The following AGBL4 variants were observed in gnomAD, a reference collection of about 807,000 sequenced individuals.
AGBL4 encodes AGBL carboxypeptidase 4.
A neutral mutation model predicts 66.4 loss-of-function variants in AGBL4; 58 were observed. The observed-to-expected ratio is 0.87, with a 90% confidence interval of 0.71 to 1.09. The LOEUF (loss-of-function observed/expected upper bound fraction) is 1.09. Among genes scored for constraint, AGBL4 ranks in the 50% least tolerant of loss-of-function variants. The pLI, the probability that AGBL4 is intolerant of heterozygous loss-of-function variation, is 0.00. For missense variants in AGBL4, 579 were observed against 631.0 expected (o/e 0.92, Z 0.88); for synonymous variants, 234 against 222.9 (o/e 1.05, Z -0.44).
intron 2 of AGBL4, among the ~76,000 whole-genome samples, chr1:49,716,874 A>G (rs894274269): frequency 6.6e-6 from 1 of 152,118 alleles, no homozygotes; most frequent in Non-Finnish European, 1.5e-5. Flanking sequence ...GCACAAGACA[A>G]GGATGCCCTC....
chr1:49,487,051 C>G (rs1570841718), intron 3 of AGBL4, among the ~76,000 whole-genome samples: 1 of 151,966 alleles, frequency 6.6e-6, no homozygotes, highest in Non-Finnish European at 1.5e-5. Context: ...TAGTACCTCT[C>G]AAAACAGAAA....
chr1:48,864,451 T>A (rs1251225927), intron 6 of AGBL4, among the ~76,000 whole-genome samples: 1 of 152,182 alleles, frequency 6.6e-6, no homozygotes, highest in African/African-American at 2.4e-5. Flanking sequence ...TACTCATACG[T>A]AAAGAGACAT....
intron 12 of AGBL4, among the ~76,000 whole-genome samples, chr1:48,538,867 C>A (rs548913853): frequency 2.0e-5 from 3 of 152,284 alleles, no homozygotes; most frequent in Middle Eastern, 6.8e-3. Context: ...GGGAGTTGGG[C>A]ATTGTCATGT....
chr1:48,622,030 A>G (rs114973065), intron 9 of AGBL4, among the ~76,000 whole-genome samples: 2,788 of 152,084 alleles, frequency 0.018, 97 homozygotes, highest in African/African-American at 0.065. Flanking sequence ...CCAGGGTCAC[A>G]TCCAAGCTTC....
intron 3 of AGBL4, among the ~76,000 whole-genome samples, chr1:49,301,984 T>C (rs193226920): frequency 5.9e-4 from 90 of 152,270 alleles, no homozygotes; most frequent in African/African-American, 2.1e-3. Flanking sequence ...CTCAGCTGCC[T>C]TGTTAAACTT....
At chr1:49,395,811 GTATACATATATATATA>G (rs1644955485) in intron 3 of AGBL4, among the ~76,000 whole-genome samples, 5 of 107,442 alleles carry the variant, frequency 4.7e-5, no homozygotes, top group African/African-American at 7.4e-5. Context: ...ATATATATAT[GTATACATATATATATA>G]TGTGTATATA....
intron 3 of AGBL4, among the ~76,000 whole-genome samples, chr1:49,517,922 A>G (rs1427922237): frequency 1.3e-5 from 2 of 152,040 alleles, no homozygotes; most frequent in Non-Finnish European, 2.9e-5. Flanking sequence ...ATTCACTGTT[A>G]CAAATTCTGT....
intron 6 of AGBL4, among the ~76,000 whole-genome samples, chr1:48,743,640 G>T (rs1650277326): frequency 6.6e-6 from 1 of 152,184 alleles, no homozygotes; most frequent in African/African-American, 2.4e-5. Context: ...CAGAGATGTG[G>T]CTACTGCCAC....
intron 3 of AGBL4, among the ~76,000 whole-genome samples, chr1:49,460,146 ACTTT>A (rs1360565984): frequency 1.3e-5 from 2 of 151,544 alleles, no homozygotes; most frequent in African/African-American, 4.8e-5. Context: ...TTCTTTGTTG[ACTTT>A]CTGTCTTGAT....
At chr1:50,007,803 A>G (rs1402893509) in intron 1 of AGBL4, among the ~76,000 whole-genome samples, 1 of 152,170 alleles carries the variant, frequency 6.6e-6, no homozygotes, top group Non-Finnish European at 1.5e-5. Flanking sequence ...ACCTATAAAG[A>G]CACACATGAA....
chr1:48,573,769 T>C (rs1031814765), intron 11 of AGBL4, among the ~76,000 whole-genome samples: 3 of 152,224 alleles, frequency 2.0e-5, no homozygotes, highest in African/African-American at 4.8e-5. Context: ...GAATTTATTA[T>C]TCAGATTTCA....
chr1:49,621,846 C>T (rs1015107923), intron 3 of AGBL4, among the ~76,000 whole-genome samples: 1 of 152,174 alleles, frequency 6.6e-6, no homozygotes, highest in African/African-American at 2.4e-5. Flanking sequence ...AGAATTCCTT[C>T]TCCTGTCTCT....
intron 3 of AGBL4, among the ~76,000 whole-genome samples, chr1:49,695,538 G>C (rs1257593137): frequency 6.6e-6 from 1 of 152,022 alleles, no homozygotes; most frequent in East Asian, 1.9e-4. Context: ...GTAAAGAGAG[G>C]GTTTTCCTAA....
At chr1:49,731,341 C>T (rs563875192) in intron 2 of AGBL4, among the ~76,000 whole-genome samples, 2 of 152,290 alleles carry the variant, frequency 1.3e-5, no homozygotes, top group South Asian at 4.2e-4. Flanking sequence ...CCCTTGTGAA[C>T]AGTCCCAGAA....
intron 1 of AGBL4, among the ~76,000 whole-genome samples, chr1:49,881,838 G>A (rs1647358623): frequency 1.3e-5 from 2 of 151,622 alleles, no homozygotes; most frequent in Non-Finnish European, 3.0e-5. Context: ...TTTGTGGGTT[G>A]CCTGTTCACT....
chr1:48,765,012 T>A (rs1644461747), intron 6 of AGBL4, among the ~76,000 whole-genome samples: 1 of 152,178 alleles, frequency 6.6e-6, no homozygotes, highest in Non-Finnish European at 1.5e-5. Flanking sequence ...GGCTCTAAGC[T>A]CTTCCATCTA....
At chr1:49,856,405 C>A (rs537688956) in intron 1 of AGBL4, among the ~76,000 whole-genome samples, 1 of 152,052 alleles carries the variant, frequency 6.6e-6, no homozygotes, top group African/African-American at 2.4e-5. Flanking sequence ...TACCTTGATA[C>A]CAATACCAGA....
intron 6 of AGBL4, among the ~76,000 whole-genome samples, chr1:48,841,259 G>A (rs1009367576): frequency 1.3e-5 from 2 of 152,022 alleles, no homozygotes; most frequent in African/African-American, 4.8e-5. Flanking sequence ...ATTTAACGGT[G>A]TGTTAATAAA....
intron 3 of AGBL4, among the ~76,000 whole-genome samples, chr1:49,501,683 C>T (rs1648170744): frequency 6.6e-6 from 1 of 151,264 alleles, no homozygotes; most frequent in Non-Finnish European, 1.5e-5. Flanking sequence ...TTTTCTAGTT[C>T]CTTGAGGTGT....
Sources: allele counts gnomAD v4.1 joint callset (sites outside exome capture counted in the v4.1 genomes callset), GRCh38; gene constraint gnomAD v4.1.1; transcripts MANE v1.5; gene names NCBI Gene and HGNC (gene_info 2026-07-23, HGNC 2026-07-21).